Variants in CEP63 observed in about 807,000 individuals in gnomAD.
CEP63 encodes the protein centrosomal protein 63.
CEP63 carries 84 observed loss-of-function variants against 89.1 expected under a neutral mutation model. The ratio of observed to expected loss-of-function variants is 0.94; its 90% confidence interval spans 0.79 to 1.13. The LOEUF is 1.13. Ranked by LOEUF, CEP63 falls within the 50% of genes most tolerant of loss-of-function variation. The pLI, the probability that CEP63 is intolerant of heterozygous loss-of-function variation, is 0.00. For missense variants in CEP63, 838 were observed against 813.3 expected (o/e 1.03, Z -0.37); for synonymous variants, 267 against 272.5 (o/e 0.98, Z 0.20).
chr3:134,680,630 C>G, the CEP63 span, among the ~76,000 whole-genome samples: 1 of 152,176 alleles, frequency 6.6e-6, no homozygotes, highest in Non-Finnish European at 1.5e-5. Context: ...CTTAGTGATG[C>G]TTGAAGCATA....
intron 3 of CEP63, among the ~76,000 whole-genome samples, chr3:134,518,716 C>T (rs1482142634): frequency 1.3e-5 from 2 of 151,748 alleles, no homozygotes; most frequent in South Asian, 4.2e-4. Flanking sequence ...ATTAGAAAGG[C>T]TGAAAGTGAT....
the CEP63 span, among the ~76,000 whole-genome samples, chr3:134,631,935 A>G: frequency 1.3e-5 from 2 of 152,148 alleles, no homozygotes; most frequent in African/African-American, 4.8e-5. Context: ...TTCACTTTCC[A>G]AGGATCCAAC....
chr3:134,733,366 CAAA>C, the CEP63 span, among the ~76,000 whole-genome samples: 75 of 141,592 alleles, frequency 5.3e-4, no homozygotes, highest in Middle Eastern at 3.7e-3. Context: ...ACTTTAAAGA[CAAA>C]AAAAAAAAAA....
chr3:134,546,892 A>G (rs1230141741), intron 8 of CEP63, among the ~76,000 whole-genome samples: 1 of 152,190 alleles, frequency 6.6e-6, no homozygotes, highest in African/African-American at 2.4e-5. Context: ...ATTGTCATCC[A>G]TGTCTCCTGG....
intron 6 of CEP63, among the ~76,000 whole-genome samples, chr3:134,540,247 A>C (rs750942721): frequency 6.6e-6 from 1 of 152,210 alleles, no homozygotes; most frequent in Admixed American, 6.5e-5. Flanking sequence ...TAAATATGAC[A>C]TGTCAACAGA....
chr3:134,627,720 C>G, the CEP63 span: 5 of 1,593,572 alleles, frequency 3.1e-6, 1 homozygote, highest in South Asian at 1.1e-5. Flanking sequence ...CCCATGTGCT[C>G]TCTTGAGAAT....
chr3:134,722,342 T>C, the CEP63 span, among the ~76,000 whole-genome samples: 1 of 150,240 alleles, frequency 6.7e-6, no homozygotes, highest in Non-Finnish European at 1.5e-5. Context: ...CTATACTGTA[T>C]ATATACAGTA....
the CEP63 span, among the ~76,000 whole-genome samples, chr3:134,635,884 G>A: frequency 4.2e-4 from 64 of 152,208 alleles, no homozygotes; most frequent in Admixed American, 2.4e-3. Context: ...ATCCAAAGCC[G>A]ATTATAGTAA....
At chr3:134,625,511 A>G in the CEP63 span, among the ~76,000 whole-genome samples, 1 of 152,182 alleles carries the variant, frequency 6.6e-6, no homozygotes, top group Non-Finnish European at 1.5e-5. Flanking sequence ...TATTTTTCCC[A>G]GGAATGAATG....
the CEP63 span, among the ~76,000 whole-genome samples, chr3:134,688,716 C>T: frequency 2.0e-5 from 3 of 152,176 alleles, no homozygotes; most frequent in Non-Finnish European, 4.4e-5. Context: ...CTGCACAAGA[C>T]AGGAACCTCA....
chr3:134,749,736 G>GAAAAAAAAAAAAAAAAAAAA, the CEP63 span, among the ~76,000 whole-genome samples: 2 of 55,780 alleles, frequency 3.6e-5, no homozygotes, highest in African/African-American at 5.3e-5. Context: ...AAAAAAAAAG[G>GAAAAAAAAAAAAAAAAAAAA]AAAATGATGC....
chr3:134,561,717 T>G lies in CEP63; in HGVS notation c.*182T>G. On this transcript the variant is annotated 3_prime_UTR_variant, in exon 15 of 15. Coordinates refer to ENST00000675561, the MANE Select transcript of CEP63 (RefSeq NM_001353108.3). ...AGGCATTTTCTCTGCACTGGTTTGT[T>G]TAAAGGACTTCTTCCAGCAATAAGT... 7.1e-7 allele frequency: 1 copy of G among 1,417,004 alleles called. No homozygotes were observed. The allele number at this position is 1,417,004 out of a possible 1,614,324, so 87.8% of individuals were successfully genotyped here.
the CEP63 span, among the ~76,000 whole-genome samples, chr3:134,635,130 C>A: frequency 6.6e-6 from 1 of 152,196 alleles, no homozygotes; most frequent in Non-Finnish European, 1.5e-5. Context: ...TTCATAATCA[C>A]CCTGAACTGG....
the CEP63 span, among the ~76,000 whole-genome samples, chr3:134,692,518 C>A: frequency 2.0e-5 from 3 of 152,114 alleles, no homozygotes; most frequent in Non-Finnish European, 4.4e-5. Context: ...GCTTTTGTAT[C>A]CAATCTTTGC....
the CEP63 span, among the ~76,000 whole-genome samples, chr3:134,722,085 T>G: frequency 2.0e-5 from 3 of 152,274 alleles, no homozygotes; most frequent in South Asian, 6.2e-4. Flanking sequence ...AATTCACCAG[T>G]GAATCCCTCT....
the CEP63 span, among the ~76,000 whole-genome samples, chr3:134,692,808 A>G: frequency 6.6e-6 from 1 of 152,118 alleles, no homozygotes; most frequent in Non-Finnish European, 1.5e-5. Context: ...TGACAGTCCT[A>G]TGTCCTTAGC....
At chr3:134,616,864 G>A in the CEP63 span, among the ~76,000 whole-genome samples, 3 of 152,138 alleles carry the variant, frequency 2.0e-5, no homozygotes, top group South Asian at 2.1e-4. Context: ...CCCCAAAATC[G>A]GGTTGGTAAC....
chr3:134,709,443 T>C, the CEP63 span, among the ~76,000 whole-genome samples: 1 of 118,582 alleles, frequency 8.4e-6, no homozygotes, highest in African/African-American at 3.3e-5. Flanking sequence ...TAGGACATGT[T>C]CACAAACACA....
At chr3:134,743,086 G>T in the CEP63 span, among the ~76,000 whole-genome samples, 1 of 152,152 alleles carries the variant, frequency 6.6e-6, no homozygotes, top group Non-Finnish European at 1.5e-5. Context: ...CCTTGTGGGG[G>T]TCCCTCAGCT....
Sources: allele counts gnomAD v4.1 joint callset (sites outside exome capture counted in the v4.1 genomes callset), GRCh38; gene constraint gnomAD v4.1.1; transcripts MANE v1.5; gene names NCBI Gene and HGNC (gene_info 2026-07-23, HGNC 2026-07-21).